PRRG1: variants seen among roughly 807,000 people sequenced by gnomAD.
PRRG1 encodes proline rich and Gla domain 1.
PRRG1 carries 5 observed loss-of-function variants against 11.8 expected under a neutral mutation model. That is an observed-to-expected ratio of 0.42 (90% CI 0.22 to 0.89). The LOEUF is 0.89. Among genes scored for constraint, PRRG1 ranks in the 40% least tolerant of loss-of-function variants. The pLI is 0.28. For missense variants in PRRG1, 155 were observed against 166.1 expected (o/e 0.93, Z 0.37); for synonymous variants, 66 against 60.4 (o/e 1.09, Z -0.43).
At chrX:37,398,450 G>T (rs2146566828) in intron 1 of PRRG1, among the ~76,000 whole-genome samples, 1 of 111,969 alleles carries the variant, frequency 8.9e-6, no homozygotes, top group East Asian at 2.8e-4. Context: ...CTAACAAACA[G>T]AAAGGACATC....
intron 1 of PRRG1, among the ~76,000 whole-genome samples, chrX:37,361,930 C>T (rs1210317411): frequency 1.8e-5 from 2 of 111,862 alleles, no homozygotes; most frequent in Admixed American, 9.5e-5. Flanking sequence ...AATTTGCTGT[C>T]GCTGCAAAAA....
At chrX:37,405,815 C>T (rs1251694168) in intron 1 of PRRG1, among the ~76,000 whole-genome samples, 3 of 111,479 alleles carry the variant, frequency 2.7e-5, no homozygotes, top group Non-Finnish European at 5.7e-5. Flanking sequence ...GAAGGGAAGC[C>T]GGAGACAGGA....
intron 2 of PRRG1, among the ~76,000 whole-genome samples, chrX:37,420,668 C>CAAAAAAAAA (rs1302856034): frequency 5.8e-4 from 17 of 29,237 alleles, no homozygotes; most frequent in Admixed American, 1.3e-3. Flanking sequence ...CCCGTCTATG[C>CAAAAAAAAA]AAAAAAAAAA....
intron 1 of PRRG1, among the ~76,000 whole-genome samples, chrX:37,405,547 T>G (rs782526500): frequency 1.3e-3 from 142 of 105,894 alleles, no homozygotes; most frequent in African/African-American, 4.7e-3. Context: ...TGTATGAGTG[T>G]TTTTTTTTTT....
At chrX:37,367,396 A>G (rs782182257) in intron 1 of PRRG1, among the ~76,000 whole-genome samples, 1 of 111,618 alleles carries the variant, frequency 9.0e-6, no homozygotes, top group Admixed American at 9.5e-5. Flanking sequence ...TTGTGTTTTT[A>G]CTGTCCAAAT....
chrX:37,419,547 G>A (rs1008034456), intron 2 of PRRG1, among the ~76,000 whole-genome samples: 6 of 111,542 alleles, frequency 5.4e-5, no homozygotes, highest in Admixed American at 4.8e-4. Context: ...AAGATTCTAC[G>A]GGGTATATTC....
intron 1 of PRRG1, among the ~76,000 whole-genome samples, chrX:37,353,944 T>C (rs1556365399): frequency 8.9e-6 from 1 of 112,727 alleles, no homozygotes; most frequent in African/African-American, 3.2e-5. Flanking sequence ...TGTTAGCTGT[T>C]GTTATTTATG....
At chrX:37,383,164 C>T (rs1200449424) in intron 1 of PRRG1, among the ~76,000 whole-genome samples, 2 of 112,095 alleles carry the variant, frequency 1.8e-5, no homozygotes, top group African/African-American at 6.5e-5. Flanking sequence ...AAAAGTGCTT[C>T]TGCACGTGCC....
intron 1 of PRRG1, chrX:37,403,839 T>G: frequency 1.7e-6 from 1 of 605,899 alleles, no homozygotes; most frequent in Non-Finnish European, 2.0e-6. Flanking sequence ...CTTGAGCCTT[T>G]TATCTCTCTA....
rs782741218 is a variant in PRRG1 at position 37,363,452 on chromosome X, A to T, written c.-42+14057A>T. ...ACTAAAGGAATGAGAGGAGACTCTA[A>T]ATTTGTTAGAAAGGGTAATCTCCCT... On this transcript the variant is annotated intron_variant, in intron 1 of 3. Transcript: ENST00000378628. Among the ~76,000 whole-genome samples, 12 of 112,431 alleles carry T rather than the reference A, an allele frequency of 1.1e-4. No individual in the cohort carries two copies. In the East Asian group the frequency reaches 3.4e-3, roughly 31 times the overall value.
At chrX:37,414,925 A>G (rs955865763) in intron 2 of PRRG1, among the ~76,000 whole-genome samples, 4 of 112,131 alleles carry the variant, frequency 3.6e-5, no homozygotes, top group Admixed American at 2.8e-4. Context: ...TCTTGTTCCA[A>G]TGTGGCCTAT....
At chrX:37,417,829 T>C (rs1356899880) in intron 2 of PRRG1, among the ~76,000 whole-genome samples, 2 of 112,032 alleles carry the variant, frequency 1.8e-5, no homozygotes, top group Non-Finnish European at 3.8e-5. Flanking sequence ...CTTCATAAGA[T>C]GTTTAAAAAA....
rs1218296161 is a variant in PRRG1, at chrX:37,404,865, C to A, written c.-41-1344C>A. The stretch of plus-strand genomic sequence containing the variant: ...GATTCACTTTATGCTAATTTTGTTC[C>A]ATATGATTAAAATAATAGAATTTCA... On this transcript the variant is annotated intron_variant, in intron 1 of 3. Transcript: ENST00000378628. 2.7e-5 allele frequency among the ~76,000 whole-genome samples: 3 copies of A among 111,699 alleles called. No individual in the cohort carries two copies. In the East Asian group the frequency reaches 8.4e-4, roughly 31 times the overall value.
chrX:37,436,674 C>T (rs1932888063), intron 3 of PRRG1, among the ~76,000 whole-genome samples: 1 of 112,354 alleles, frequency 8.9e-6, no homozygotes, highest in Admixed American at 9.4e-5. Flanking sequence ...GCTGATGGCA[C>T]TAGAGCCAGA....
At chrX:37,375,119 A>G (rs1556371733) in intron 1 of PRRG1, among the ~76,000 whole-genome samples, 1 of 111,799 alleles carries the variant, frequency 8.9e-6, no homozygotes, top group Admixed American at 9.5e-5. Context: ...TTTCTGTTGT[A>G]TCCCCCTGTT....
At chrX:37,373,683 T>C (rs989476944) in intron 1 of PRRG1, among the ~76,000 whole-genome samples, 6 of 112,129 alleles carry the variant, frequency 5.4e-5, no homozygotes, top group African/African-American at 1.9e-4. Context: ...TTATTACTTC[T>C]AACAGTTTTT....
At chrX:37,448,080 G>A (rs1225951085) in intron 3 of PRRG1, among the ~76,000 whole-genome samples, 1 of 112,052 alleles carries the variant, frequency 8.9e-6, no homozygotes, top group Non-Finnish European at 1.9e-5. Context: ...CCAGTGTAGG[G>A]TCTTGACGAG....
At chrX:37,404,285 T>C (rs1232277881) in intron 1 of PRRG1, among the ~76,000 whole-genome samples, 1 of 112,113 alleles carries the variant, frequency 8.9e-6, no homozygotes, top group Non-Finnish European at 1.9e-5. Context: ...AATTTAGCTA[T>C]ATCACTACCC....
At chrX:37,401,749 C>G (rs1203777164) in intron 1 of PRRG1, among the ~76,000 whole-genome samples, 1 of 110,714 alleles carries the variant, frequency 9.0e-6, no homozygotes, top group Non-Finnish European at 1.9e-5. Flanking sequence ...TTGTCTCAGC[C>G]CAAAATCTCC....
Sources: allele counts gnomAD v4.1 joint callset (sites outside exome capture counted in the v4.1 genomes callset), GRCh38; gene constraint gnomAD v4.1.1; transcripts MANE v1.5; gene names NCBI Gene and HGNC (gene_info 2026-07-23, HGNC 2026-07-21).